The following ATF7 variants were observed in gnomAD, a reference collection of about 807,000 sequenced individuals.
The protein encoded by ATF7 is cyclic AMP-dependent transcription factor ATF-7.
ATF7 carries 10 observed loss-of-function variants against 50.4 expected under a neutral mutation model. The ratio of observed to expected loss-of-function variants is 0.20; its 90% CI spans 0.12 to 0.34. The LOEUF (loss-of-function observed/expected upper bound fraction) is 0.34, where lower values mean the gene tolerates loss of function less well. ATF7 is among the 10% of genes least tolerant of loss of function. ATF7 has a pLI of 1.00. For missense variants in ATF7, 465 were observed against 613.9 expected, an observed-to-expected ratio of 0.76 and a Z score of 2.56; for synonymous variants, 201 against 226.4, an observed-to-expected ratio of 0.89 and a Z score of 1.01.
intron 2 of ATF7, among the ~76,000 whole-genome samples, chr12:53,577,246 T>C (rs946474338): frequency 2.0e-5 from 3 of 151,764 alleles, no homozygotes; most frequent in African/African-American, 7.3e-5. Context: ...CATAGTGACA[T>C]AGTAAGACAC....
intron 6 of ATF7, among the ~76,000 whole-genome samples, chr12:53,533,781 T>C (rs1200545595): frequency 6.6e-6 from 1 of 151,980 alleles, no homozygotes; most frequent in East Asian, 1.9e-4. Context: ...GTGCCAGGAG[T>C]GAAGACAAAC....
intron 2 of ATF7, among the ~76,000 whole-genome samples, chr12:53,595,858 G>A (rs1366456898): frequency 6.6e-6 from 1 of 152,176 alleles, no homozygotes; most frequent in African/African-American, 2.4e-5. Context: ...CAGTTAGAAA[G>A]ATATGAAGAG....
At chr12:53,579,822 A>G (rs556798190) in intron 2 of ATF7, among the ~76,000 whole-genome samples, 8 of 152,146 alleles carry the variant, frequency 5.3e-5, no homozygotes, top group South Asian at 4.2e-4. Flanking sequence ...TGAGATGCAC[A>G]TGACAAATTG....
intron 2 of ATF7, among the ~76,000 whole-genome samples, chr12:53,571,602 G>A (rs1430383797): frequency 6.7e-6 from 1 of 150,254 alleles, no homozygotes; most frequent in African/African-American, 2.5e-5. Flanking sequence ...ACAAGTTTGA[G>A]TCCAGCCTGG....
rs1592964673 is a variant in ATF7, at chr12:53,600,886, C to T, written c.48+67G>A. 3 of 1,503,836 alleles carry T rather than the reference C, an allele frequency of 2.0e-6. No individual in the cohort carries two copies. In the East Asian group the frequency reaches 6.9e-5, roughly 34 times the overall value. 93.2% of individuals were successfully genotyped at this position (1,503,836 alleles called of 1,614,324 possible). A position where few individuals can be genotyped will look rare whatever the true frequency, so the allele number is the denominator to read the frequency against. On this transcript the variant is annotated intron_variant, in intron 2 of 11. Transcript: ENST00000420353. ...AAAATACTGGCTTTAAACTCTTTGC[C>T]TTAGTGATAAAACAGCCACTTTGAT... is the stretch of plus-strand genomic sequence containing the variant.
intron 2 of ATF7, among the ~76,000 whole-genome samples, chr12:53,562,826 ATT>A (rs1941221616): frequency 6.6e-6 from 1 of 152,176 alleles, no homozygotes; most frequent in South Asian, 2.1e-4. Context: ...AACAAATAGA[ATT>A]TCAAAAATTG....
chr12:53,523,332 A>G lies in ATF7; in HGVS notation c.1178T>C (p.Leu393Ser). 6.2e-7 allele frequency: 1 copy of G among 1,614,086 alleles called. No homozygotes were observed. The highest frequency in any genetic ancestry group is 8.5e-7 in the Non-Finnish European group (1 of 1,179,948). ...NEVAQLKQLL[L>S]AHKDCPVTAL... ...AGTGACTGGGCAGTCTTTATGAGCT[A>G]ACAGTAGCTGTTTCAACTGGGCCAC... The change falls in exon 11 of 12, where the codon TTA (leucine) becomes TCA (serine). Residue 393 changes from leucine to serine, a missense_variant. Physicochemically the swap from Leu to Ser is moderately radical, Grantham distance 145. Transcript: ENST00000420353.
chr12:53,625,988 C>T (rs969016371), intron 1 of ATF7: 4 of 152,282 alleles, frequency 2.6e-5, no homozygotes, highest in Admixed American at 6.5e-5. Context: ...CTGGCCCCGC[C>T]TTCCCCCCAA....
At chr12:53,546,301 G>C (rs1203445470) in intron 3 of ATF7, among the ~76,000 whole-genome samples, 1 of 151,976 alleles carries the variant, frequency 6.6e-6, no homozygotes, top group Non-Finnish European at 1.5e-5. Context: ...GTTAAGCCTG[G>C]GAGGCAGAGG....
intron 1 of ATF7, among the ~76,000 whole-genome samples, chr12:53,606,452 T>C (rs906779802): frequency 3.3e-5 from 5 of 152,120 alleles, no homozygotes; most frequent in Non-Finnish European, 7.4e-5. Flanking sequence ...TTCTCCATGT[T>C]GGTCAGGCTG....
At chr12:53,590,079 C>T (rs1206986123) in intron 2 of ATF7, among the ~76,000 whole-genome samples, 1 of 152,044 alleles carries the variant, frequency 6.6e-6, no homozygotes, top group Non-Finnish European at 1.5e-5. Context: ...GCTGAGATAG[C>T]CCAAAATAAA....
chr12:53,616,171 T>C (rs1944108663), intron 1 of ATF7, among the ~76,000 whole-genome samples: 1 of 152,158 alleles, frequency 6.6e-6, no homozygotes, highest in Non-Finnish European at 1.5e-5. Context: ...CAGATGTCCA[T>C]GCCACAAGCT....
chr12:53,527,595 C>T lies in ATF7; in HGVS notation c.928-2834G>A, dbSNP rs868063400. Among the ~76,000 whole-genome samples the T allele has an allele frequency of 8.5e-5, 13 of 152,206 alleles. 1 individual carries two copies. In the South Asian group the frequency reaches 2.7e-3, roughly 32 times the overall value. The stretch of plus-strand genomic sequence containing the variant: ...GGCCATGAGTTCAAGACTAGCCTGG[C>T]CAACATGGTGAAATCCCACCTCTAC... On this transcript the variant is annotated intron_variant, in intron 9 of 11. Coordinates refer to ENST00000420353, the MANE Select transcript of ATF7 (RefSeq NM_006856.3).
At chr12:53,569,967 G>A (rs529728857) in intron 2 of ATF7, among the ~76,000 whole-genome samples, 8 of 152,244 alleles carry the variant, frequency 5.3e-5, no homozygotes, top group South Asian at 2.1e-4. Flanking sequence ...GTGAGCCACC[G>A]CGCCTGGCCA....
intron 2 of ATF7, among the ~76,000 whole-genome samples, chr12:53,561,231 C>T (rs12303165): frequency 0.042 from 6,377 of 150,490 alleles, 377 homozygotes; most frequent in African/African-American, 0.13. Flanking sequence ...CACCCATATA[C>T]TTGGGGGCGT....
intron 2 of ATF7, among the ~76,000 whole-genome samples, chr12:53,554,970 G>A (rs569497732): frequency 2.0e-5 from 3 of 146,874 alleles, no homozygotes; most frequent in African/African-American, 7.5e-5. Flanking sequence ...AAGAACTTTA[G>A]TTTTCTCTAT....
intron 2 of ATF7, among the ~76,000 whole-genome samples, chr12:53,568,980 G>T (rs1941605854): frequency 6.6e-6 from 1 of 152,042 alleles, no homozygotes; most frequent in Non-Finnish European, 1.5e-5. Flanking sequence ...AATATATATT[G>T]AAATCCTGTC....
intron 2 of ATF7, among the ~76,000 whole-genome samples, chr12:53,555,809 C>CT (rs1343096408): frequency 6.7e-6 from 1 of 150,268 alleles, no homozygotes. Context: ...CATGCCCCGT[C>CT]TTTTTTTGTT....
At chr12:53,616,907 T>C (rs532545577) in intron 1 of ATF7, among the ~76,000 whole-genome samples, 1 of 146,058 alleles carries the variant, frequency 6.8e-6, no homozygotes, top group East Asian at 2.0e-4. Context: ...ACCATGCCAC[T>C]GTACTCCAGC....
Sources: allele counts gnomAD v4.1 joint callset (sites outside exome capture counted in the v4.1 genomes callset), GRCh38; gene constraint gnomAD v4.1.1; transcripts MANE v1.5; gene names NCBI Gene and HGNC (gene_info 2026-07-23, HGNC 2026-07-21).